Variants in GLMN observed in about 807,000 individuals in gnomAD.
GLMN encodes glomulin, FKBP associated protein.
Under a neutral mutation model 87.8 loss-of-function variants are expected in GLMN, and 75 were observed. The observed-to-expected ratio is 0.85, with a 90% CI of 0.71 to 1.04. The LOEUF (loss-of-function observed/expected upper bound fraction) is 1.04, where lower values mean the gene tolerates loss of function less well. GLMN is among the 50% of genes least tolerant of loss of function. The probability of loss-of-function intolerance (pLI) is 0.00; values close to 1 mark genes in which losing one functional copy is unlikely to be tolerated. For synonymous variants in GLMN, 206 were observed against 221.6 expected, an observed-to-expected ratio of 0.93 and a Z score of 0.63; for missense variants, 588 against 658.8, an observed-to-expected ratio of 0.89 and a Z score of 1.18.
intron 1 of GLMN, among the ~76,000 whole-genome samples, chr1:92,298,580 A>G (rs760005046): frequency 7.2e-5 from 11 of 152,170 alleles, no homozygotes; most frequent in Non-Finnish European, 1.5e-4. Context: ...GCAGTCCCCA[A>G]AGTGATCAAT....
At chr1:92,333,075 C>T in the GLMN span, among the ~76,000 whole-genome samples, 1 of 151,904 alleles carries the variant, frequency 6.6e-6, no homozygotes, top group Non-Finnish European at 1.5e-5. Flanking sequence ...ATATTTTAAT[C>T]CCCTACATTT....
chr1:92,288,772 T>A, intron 6 of GLMN, 142 bp downstream of exon 6: 1 of 669,992 alleles, frequency 1.5e-6, no homozygotes, highest in Non-Finnish European at 2.7e-6. Flanking sequence ...CCATGCTGTA[T>A]CAACTGAACC....
intron 7 of GLMN, among the ~76,000 whole-genome samples, chr1:92,278,948 A>G (rs1005958500): frequency 6.6e-6 from 1 of 152,178 alleles, no homozygotes; most frequent in African/African-American, 2.4e-5. Context: ...TAGTAACTAT[A>G]ATCTTTCCAT....
Position 92,246,481 on chromosome 1 carries a change from T to A in GLMN, c.*49A>T, listed in dbSNP as rs1464964458. 2.4e-6 allele frequency: 2 copies of A among 834,654 alleles called. No individual in the cohort carries two copies. Among genetic ancestry groups the A allele is most frequent in the Non-Finnish European group, 4.1e-6 (2 of 488,652 alleles). The allele number at this position is 834,654 out of a possible 1,614,324, so 51.7% of individuals were successfully genotyped here. A position where few individuals can be genotyped will look rare whatever the true frequency, so the allele number is the denominator to read the frequency against. The stretch of plus-strand genomic sequence containing the variant: ...TTTTATAAAGGTATTAAATGAATCA[T>A]AATGGAAAGTACTATATTTTATTAG... On this transcript the variant is annotated 3_prime_UTR_variant, in exon 19 of 19. Transcript: ENST00000370360.
At chr1:92,290,114 T>TG (rs1649223543) in intron 5 of GLMN, 84 bp downstream of exon 5, 1 of 807,274 alleles carries the variant, frequency 1.2e-6, no homozygotes, top group Admixed American at 1.7e-5. Context: ...AACTTTACTT[T>TG]GGTGTAGTAT....
intron 16 of GLMN, among the ~76,000 whole-genome samples, chr1:92,252,199 A>G (rs1019351359): frequency 1.3e-5 from 2 of 152,226 alleles, no homozygotes; most frequent in South Asian, 4.1e-4. Context: ...ATCTCTAACC[A>G]AACGTTTTCT....
intron 3 of GLMN, among the ~76,000 whole-genome samples, chr1:92,295,308 T>C (rs1371143536): frequency 6.6e-6 from 1 of 151,978 alleles, no homozygotes; most frequent in Non-Finnish European, 1.5e-5. Flanking sequence ...TGAACTCAGG[T>C]AAATTCTTGT....
the GLMN span, among the ~76,000 whole-genome samples, chr1:92,344,248 A>G: frequency 6.6e-6 from 1 of 152,126 alleles, no homozygotes; most frequent in Non-Finnish European, 1.5e-5. Context: ...CACCTCTACA[A>G]AAATACAAAA....
At chr1:92,304,492 A>T in the GLMN span, 2 of 500,356 alleles carry the variant, frequency 4.0e-6, no homozygotes, top group Non-Finnish European at 6.8e-6. Flanking sequence ...GAAAATAGTG[A>T]TGTTAAAAGT....
In GLMN at chr1:92,264,565, T is replaced by G; in HGVS notation, c.1288A>C (p.Met430Leu). 4 of 1,516,118 alleles carry G rather than the reference T, an allele frequency of 2.6e-6. No homozygotes were observed. The highest frequency in any genetic ancestry group is 3.7e-6 in the Non-Finnish European group (4 of 1,090,770). The allele number at this position is 1,516,118 out of a possible 1,614,324, so 93.9% of individuals were successfully genotyped here. The change falls in exon 14 of 19, where the codon ATG becomes CTG. Residue 430 changes from methionine (M) to leucine (L), a missense_variant. Coordinates refer to ENST00000370360, the MANE Select transcript of GLMN (RefSeq NM_053274.3). ...IIQNIKNQIDMSLKRTRNNKW... is the reference protein window; with the variant it reads ...IIQNIKNQIDLSLKRTRNNKW... ...GGCTATGTTCTTACCTTTAATGACA[T>G]GTCAATTTGATTTTTGATATTTTGA...
the GLMN span, among the ~76,000 whole-genome samples, chr1:92,350,207 G>T: frequency 6.6e-6 from 1 of 152,182 alleles, no homozygotes; most frequent in Non-Finnish European, 1.5e-5. Context: ...CACATGGAAA[G>T]ACCTTTTAAA....
chr1:92,348,867 C>T, the GLMN span, among the ~76,000 whole-genome samples: 4 of 152,162 alleles, frequency 2.6e-5, no homozygotes. Context: ...TTAGAGAAGG[C>T]ATTTTGTCAC....
chr1:92,284,473 A>G (rs1164069252), intron 7 of GLMN, among the ~76,000 whole-genome samples: 2 of 152,232 alleles, frequency 1.3e-5, no homozygotes, highest in Non-Finnish European at 2.9e-5. Flanking sequence ...AATTAACTCA[A>G]GATGGATTAA....
intron 3 of GLMN, among the ~76,000 whole-genome samples, chr1:92,295,871 A>G (rs1303558512): frequency 6.6e-6 from 1 of 152,258 alleles, no homozygotes; most frequent in East Asian, 1.9e-4. Flanking sequence ...TGCAATAAAT[A>G]TTAGTTGTTA....
the GLMN span, among the ~76,000 whole-genome samples, chr1:92,331,797 T>G: frequency 6.6e-6 from 1 of 152,190 alleles, no homozygotes; most frequent in African/African-American, 2.4e-5. Context: ...GCCTTGTGCC[T>G]GAAGAATATA....
chr1:92,291,441 A>C lies in GLMN; in HGVS notation c.262T>G (p.Leu88Val), dbSNP rs902611330. 3.1e-6 allele frequency: 5 copies of C among 1,591,860 alleles called. No individual in the cohort carries two copies. Among genetic ancestry groups the C allele is most frequent in the Non-Finnish European group, 4.3e-6 (5 of 1,159,746 alleles). Residue 88 changes from leucine to valine, a missense_variant, in exon 4 of 19, where the codon TTG becomes GTG. By Grantham distance (32) the Leu-to-Val change is conservative. Transcript: ENST00000370360. Reference protein sequence around the residue: ...KEDSKRKVYFLIFDLLVKLCN... With the variant: ...KEDSKRKVYFVIFDLLVKLCN... ...ACCTTTACCAATAAATCAAAGATCA[A>C]AAAATAAACTTTTCTTTTACTATCC... is the stretch of plus-strand genomic sequence containing the variant.
At chr1:92,253,698 C>T (rs906701947) in intron 16 of GLMN, among the ~76,000 whole-genome samples, 24 of 152,174 alleles carry the variant, frequency 1.6e-4, no homozygotes, top group African/African-American at 5.3e-4. Flanking sequence ...AGAAGGAAAA[C>T]TAACAAACAC....
intron 16 of GLMN, among the ~76,000 whole-genome samples, chr1:92,250,938 A>G (rs1653400200): frequency 6.6e-6 from 1 of 152,216 alleles, no homozygotes; most frequent in Non-Finnish European, 1.5e-5. Flanking sequence ...CTGCTGCTGT[A>G]AAGATATTCC....
chr1:92,362,224 T>A, the GLMN span, among the ~76,000 whole-genome samples: 1 of 152,236 alleles, frequency 6.6e-6, no homozygotes, highest in East Asian at 1.9e-4. Flanking sequence ...CCTCTGTTGT[T>A]AAACACTTCC....
Sources: gnomAD v4.1 joint callset for allele counts (sites outside exome capture counted in the v4.1 genomes callset) on GRCh38, gnomAD v4.1.1 for gene constraint, MANE v1.5 for transcripts, NCBI Gene and HGNC (gene_info 2026-07-23, HGNC 2026-07-21) for gene names.